EFR3B: variants seen among roughly 807,000 people sequenced by gnomAD.
EFR3B encodes the protein protein EFR3 homolog B.
EFR3B carries 64 observed loss-of-function variants against 104.7 expected under a neutral mutation model. The observed-to-expected ratio is 0.61, with a 90% confidence interval of 0.50 to 0.75. The LOEUF is 0.75. Among genes scored for constraint, EFR3B ranks in the 30% least tolerant of loss-of-function variants. The pLI is 0.00. For missense variants in EFR3B, 750 were observed against 1,078.5 expected, an observed-to-expected ratio of 0.70 and a Z score of 4.27; for synonymous variants, 385 against 417.9, an observed-to-expected ratio of 0.92 and a Z score of 0.96.
intron 3 of EFR3B, among the ~76,000 whole-genome samples, chr2:25,093,753 C>T (rs1301818356): frequency 1.3e-5 from 2 of 152,302 alleles, no homozygotes; most frequent in Middle Eastern, 3.4e-3. Context: ...CCACCATCCT[C>T]ATCCAACCTG....
At chr2:25,048,126 C>T (rs1403714230) in intron 1 of EFR3B, among the ~76,000 whole-genome samples, 1 of 152,054 alleles carries the variant, frequency 6.6e-6, no homozygotes, top group Non-Finnish European at 1.5e-5. Flanking sequence ...AGTGATCCTC[C>T]TGCTTCAGCC....
At chr2:25,067,308 GT>G (rs1223390963) in intron 1 of EFR3B, among the ~76,000 whole-genome samples, 1 of 151,810 alleles carries the variant, frequency 6.6e-6, no homozygotes, top group Non-Finnish European at 1.5e-5. Context: ...ATCTTTCTTT[GT>G]TCATGACAGC....
intron 1 of EFR3B, among the ~76,000 whole-genome samples, chr2:25,083,185 C>T (rs1668857588): frequency 6.6e-6 from 1 of 152,156 alleles, no homozygotes; most frequent in Admixed American, 6.5e-5. Context: ...TAAGACAGCT[C>T]CTAGTGACAG....
intron 19 of EFR3B, chr2:25,145,414 TAATTGAA>T (rs1259425327): frequency 8.6e-6 from 3 of 348,624 alleles, no homozygotes; most frequent in Non-Finnish European, 1.5e-5. Flanking sequence ...CTACAAAAAA[TAATTGAA>T]AAATCAGCCA....
intron 1 of EFR3B, among the ~76,000 whole-genome samples, chr2:25,053,326 G>A (rs1208986457): frequency 6.6e-6 from 1 of 152,198 alleles, no homozygotes; most frequent in African/African-American, 2.4e-5. Context: ...ACCACAATGA[G>A]GATAGGTCCT....
chr2:25,141,281 G>A (rs1196616088), intron 16 of EFR3B, 85 bp from the exon 17 acceptor site: 12 of 1,422,078 alleles, frequency 8.4e-6, no homozygotes, highest in Middle Eastern at 1.8e-4. Context: ...AGGAAGCACC[G>A]AGCCGGGCAT....
chr2:25,094,020 C>T (rs1669207543), intron 3 of EFR3B, among the ~76,000 whole-genome samples: 1 of 152,054 alleles, frequency 6.6e-6, no homozygotes, highest in Non-Finnish European at 1.5e-5. Context: ...GGCACGGTGG[C>T]TCATACCTAT....
At chr2:25,043,556 G>A (rs1667635768) in intron 1 of EFR3B, among the ~76,000 whole-genome samples, 1 of 152,112 alleles carries the variant, frequency 6.6e-6, no homozygotes, top group African/African-American at 2.4e-5. Flanking sequence ...TCAGAAATAC[G>A]TTTGCATTTC....
At chr2:25,132,389 G>A (rs561424014) in intron 10 of EFR3B, among the ~76,000 whole-genome samples, 2 of 152,148 alleles carry the variant, frequency 1.3e-5, no homozygotes, top group African/African-American at 4.8e-5. Flanking sequence ...GGCCAGCCGC[G>A]GAGAAAATGT....
chr2:25,066,338 A>C (rs1397890436), intron 1 of EFR3B, among the ~76,000 whole-genome samples: 1 of 152,202 alleles, frequency 6.6e-6, no homozygotes, highest in Non-Finnish European at 1.5e-5. Flanking sequence ...GCTGTTATTT[A>C]GTCATGATGA....
chr2:25,080,181 T>C (rs1668752977), intron 1 of EFR3B: 2 of 1,556,714 alleles, frequency 1.3e-6, no homozygotes, highest in African/African-American at 2.7e-5. Flanking sequence ...GAATAGCCAG[T>C]ACCTTTTTAT....
At chr2:25,061,403 G>T (rs1343130788) in intron 1 of EFR3B, among the ~76,000 whole-genome samples, 1 of 146,918 alleles carries the variant, frequency 6.8e-6, no homozygotes, top group East Asian at 2.1e-4. Flanking sequence ...GGGATGCACC[G>T]TGCCCAACCT....
Position 25,131,446 on chromosome 2 carries a change from G to T in EFR3B, c.928G>T (p.Ala310Ser). 1 of 1,550,762 alleles carries T rather than the reference G, an allele frequency of 6.4e-7. No individual in the cohort carries two copies. Among genetic ancestry groups the T allele is most frequent in the Non-Finnish European group, 8.7e-7 (1 of 1,146,868 alleles). Residue 310 changes from alanine (A) to serine (S), a missense_variant, in exon 9 of 23, where the codon GCG (alanine) becomes TCG (serine). Transcript: ENST00000403714. The surrounding 1 kb of genome is among the most constrained non-coding windows in gnomAD (Gnocchi z 7.6). ...CAGCCGCAGCGCTGCGACGGTGCGC[G>T]CGGGCATCGTGGAAGTCTTGTCGGA... ...ANSRSAATVR[A>S]GIVEVLSEAA...
intron 16 of EFR3B, 72 bp from the exon 17 acceptor site, chr2:25,141,294 G>A: frequency 6.7e-7 from 1 of 1,493,314 alleles, no homozygotes; most frequent in South Asian, 1.3e-5. Flanking sequence ...CCGGGCATGG[G>A]AGCTCTTTCG....
At chr2:25,117,855 A>C (rs902944652) in intron 4 of EFR3B, among the ~76,000 whole-genome samples, 1 of 152,206 alleles carries the variant, frequency 6.6e-6, no homozygotes, top group African/African-American at 2.4e-5. Flanking sequence ...GGCAGGAATA[A>C]AAACTGGAGA....
At chr2:25,147,713 GA>G (rs925672023) in intron 19 of EFR3B, 1 of 152,146 alleles carries the variant, frequency 6.6e-6, no homozygotes, top group Non-Finnish European at 1.5e-5. Context: ...TTTTGCTTAA[GA>G]TTATGTTTAA....
At chr2:25,145,581 TAAAA>T (rs1374703967) in intron 19 of EFR3B, 1 of 156,628 alleles carries the variant, frequency 6.4e-6, no homozygotes, top group African/African-American at 2.4e-5. Context: ...CTCAAAAAAT[TAAAA>T]AGAAAGGCAT....
At chr2:25,095,197 A>C (rs1669244103) in intron 3 of EFR3B, among the ~76,000 whole-genome samples, 1 of 152,216 alleles carries the variant, frequency 6.6e-6, no homozygotes, top group Non-Finnish European at 1.5e-5. Context: ...GTCAGAGGAG[A>C]ATATTTCAGT....
At chr2:25,045,123 G>A (rs1667680796) in intron 1 of EFR3B, among the ~76,000 whole-genome samples, 2 of 152,112 alleles carry the variant, frequency 1.3e-5, no homozygotes, top group Non-Finnish European at 2.9e-5. Flanking sequence ...TCCTCTTTGG[G>A]CCCCCTTGGA....
Sources: gnomAD v4.1 joint callset for allele counts (sites outside exome capture counted in the v4.1 genomes callset) on GRCh38, gnomAD v4.1.1 for gene constraint, Gnocchi (gnomAD v3.1) non-coding constraint, MANE v1.5 for transcripts, NCBI Gene and HGNC (gene_info 2026-07-23, HGNC 2026-07-21) for gene names.